Variants in BBS9 observed in about 807,000 individuals in gnomAD.
The protein encoded by BBS9 is protein PTHB1.
A neutral mutation model predicts 117.7 loss-of-function variants in BBS9; 89 were observed. That is an observed-to-expected ratio of 0.76 (90% CI 0.64 to 0.90). The LOEUF is 0.90. Among genes scored for constraint, BBS9 ranks in the 40% least tolerant of loss-of-function variants. The probability of loss-of-function intolerance (pLI) is 0.00; values close to 1 mark genes in which losing one functional copy is unlikely to be tolerated. For missense variants in BBS9, 982 were observed against 1,042.2 expected (o/e 0.94, Z 0.80); for synonymous variants, 379 against 370.9 (o/e 1.02, Z -0.25).
intron 5 of BBS9, among the ~76,000 whole-genome samples, chr7:33,252,584 A>G (rs1198917342): frequency 6.6e-6 from 1 of 152,034 alleles, no homozygotes; most frequent in Non-Finnish European, 1.5e-5. Flanking sequence ...TGGGGGCCAC[A>G]TTTTGAAGAC....
At chr7:33,626,742 G>A (rs117364844) in intron 21 of BBS9, among the ~76,000 whole-genome samples, 1,729 of 152,314 alleles carry the variant, frequency 0.011, 18 homozygotes, top group Non-Finnish European at 0.013. Context: ...GAACTTGAGG[G>A]TGATGACTTA....
At chr7:33,273,988 G>A (rs1336420247) in intron 9 of BBS9, 32 bp downstream of exon 9, 1 of 1,609,700 alleles carries the variant, frequency 6.2e-7, no homozygotes, top group East Asian at 2.2e-5. Flanking sequence ...AGTTTTTAAA[G>A]AGGATGTTAG....
intron 5 of BBS9, among the ~76,000 whole-genome samples, chr7:33,187,689 G>C (rs898098308): frequency 1.3e-5 from 2 of 152,088 alleles, no homozygotes; most frequent in African/African-American, 4.8e-5. Context: ...GGAGGCTGAG[G>C]TGGGCGGAGA....
chr7:33,329,025 A>ATTTATTTATTTG (rs1418494347), intron 9 of BBS9, among the ~76,000 whole-genome samples: 23 of 141,916 alleles, frequency 1.6e-4, no homozygotes, highest in East Asian at 8.5e-4. Flanking sequence ...TTATTTATTT[A>ATTTATTTATTTG]TTTGTTTATT....
intron 21 of BBS9, among the ~76,000 whole-genome samples, chr7:33,571,669 C>A (rs1459585568): frequency 6.6e-6 from 1 of 151,914 alleles, no homozygotes; most frequent in East Asian, 1.9e-4. Context: ...GTATAGAACT[C>A]TTATCATTTT....
chr7:33,142,785 T>G (rs1433318706), intron 1 of BBS9, among the ~76,000 whole-genome samples: 2 of 152,218 alleles, frequency 1.3e-5, no homozygotes, highest in African/African-American at 2.4e-5. Context: ...TAATATTCCA[T>G]TGTATGGGTA....
intron 19 of BBS9, among the ~76,000 whole-genome samples, chr7:33,451,480 A>G (rs1837863406): frequency 6.6e-6 from 1 of 151,996 alleles, no homozygotes; most frequent in East Asian, 1.9e-4. Flanking sequence ...TAGTCTTGGC[A>G]CCCTTGTTGA....
chr7:33,400,776 A>T (rs1040692464), intron 19 of BBS9, among the ~76,000 whole-genome samples: 2 of 152,190 alleles, frequency 1.3e-5, no homozygotes, highest in African/African-American at 4.8e-5. Context: ...GAAAGTACCA[A>T]ATATAACTAA....
At chr7:33,586,336 G>A (rs1860883352) in intron 21 of BBS9, among the ~76,000 whole-genome samples, 1 of 151,664 alleles carries the variant, frequency 6.6e-6, no homozygotes, top group Admixed American at 6.6e-5. Flanking sequence ...AAACCACAAT[G>A]GGATACCAAC....
intron 20 of BBS9, among the ~76,000 whole-genome samples, chr7:33,524,665 G>A (rs1240448478): frequency 8.6e-5 from 13 of 151,920 alleles, no homozygotes; most frequent in East Asian, 3.9e-4. Context: ...TCTTGCTAGC[G>A]GTCTATCAAT....
intron 19 of BBS9, among the ~76,000 whole-genome samples, chr7:33,413,305 C>T (rs1314170797): frequency 1.3e-5 from 2 of 151,974 alleles, no homozygotes; most frequent in African/African-American, 4.8e-5. Flanking sequence ...ATTAACATTC[C>T]TTTATTAAGA....
At chr7:33,284,428 G>A (rs1802497056) in intron 9 of BBS9, among the ~76,000 whole-genome samples, 1 of 152,014 alleles carries the variant, frequency 6.6e-6, no homozygotes, top group South Asian at 2.1e-4. Flanking sequence ...TTTGTTGTAG[G>A]TAATCAGTTC....
intron 2 of BBS9, among the ~76,000 whole-genome samples, chr7:33,146,966 G>A (rs951847717): frequency 7.2e-5 from 11 of 151,990 alleles, no homozygotes; most frequent in African/African-American, 2.2e-4. Flanking sequence ...GGGACAGTTA[G>A]TAAAATATTT....
Position 33,541,587 on chromosome 7 carries a change from A to G in BBS9, c.2521+7411A>G, listed in dbSNP as rs1479713664. On this transcript the variant is annotated intron_variant, in intron 21 of 22. Transcript: ENST00000242067. ...CTGATAAATGGATAACAAATGTGGT[A>G]TATCCATACAATGGAATATTCTTTA... Among the ~76,000 whole-genome samples, 10 of 152,260 alleles carry G rather than the reference A, an allele frequency of 6.6e-5. No individual in the cohort carries two copies. The East Asian group carries it at 1.5e-3, about 23-fold the overall frequency.
At chr7:33,382,744 C>G (rs1292039362) in intron 17 of BBS9, among the ~76,000 whole-genome samples, 1 of 152,092 alleles carries the variant, frequency 6.6e-6, no homozygotes, top group Non-Finnish European at 1.5e-5. Flanking sequence ...TAAAATGTGG[C>G]TGGTGCAGAT....
At chr7:33,520,770 C>G (rs866024523) in intron 20 of BBS9, among the ~76,000 whole-genome samples, 1 of 152,150 alleles carries the variant, frequency 6.6e-6, no homozygotes, top group African/African-American at 2.4e-5. Flanking sequence ...GAAAAGGCAG[C>G]CTTAAACTCA....
chr7:33,350,222 A>G (rs79184797), intron 13 of BBS9, among the ~76,000 whole-genome samples: 10,400 of 152,132 alleles, frequency 0.068, 403 homozygotes, highest in African/African-American at 0.08. Flanking sequence ...AGTCAAGAAC[A>G]TATCTTTCTT....
intron 5 of BBS9, among the ~76,000 whole-genome samples, chr7:33,237,182 T>G (rs1206155305): frequency 6.6e-6 from 1 of 152,190 alleles, no homozygotes; most frequent in Admixed American, 6.5e-5. Flanking sequence ...AACCTTGCAG[T>G]TGGATACAAT....
chr7:33,596,395 A>ATCTATC lies in BBS9; in HGVS notation c.2522-8469_2522-8468insCTATCT, dbSNP rs766677015. On this transcript the variant is annotated intron_variant, in intron 21 of 22. Transcript: ENST00000242067. ...TCTATCTATCTATCTATCTATCTAT[A>ATCTATC]TATAATTAGTCAAAAAAATTCCCAC... 4.4e-3 allele frequency among the ~76,000 whole-genome samples: 362 copies of ATCTATC among 82,546 alleles called. 2 individuals carry two copies. Among genetic ancestry groups the ATCTATC allele is most frequent in the African/African-American group, 0.016 (289 of 17,992 alleles). The allele number at this position is 82,546 out of a possible 152,430, so 54.2% of individuals were successfully genotyped here. A position where few individuals can be genotyped will look rare whatever the true frequency, so the allele number is the denominator to read the frequency against.
Sources: gnomAD v4.1 joint callset for allele counts (sites outside exome capture counted in the v4.1 genomes callset) on GRCh38, gnomAD v4.1.1 for gene constraint, MANE v1.5 for transcripts, NCBI Gene and HGNC (gene_info 2026-07-23, HGNC 2026-07-21) for gene names.